ZNF423: variants seen among roughly 807,000 people sequenced by gnomAD.
The protein encoded by ZNF423 is zinc finger protein 423.
A neutral mutation model predicts 95.8 loss-of-function variants in ZNF423; 12 were observed. That is an observed-to-expected ratio of 0.13 (90% CI 0.08 to 0.20). The LOEUF (loss-of-function observed/expected upper bound fraction) is 0.20, where lower values mean the gene tolerates loss of function less well. ZNF423 is among the 10% of genes least tolerant of loss of function. The pLI is 1.00. For missense variants in ZNF423, 1,316 were observed against 1,737.1 expected, an observed-to-expected ratio of 0.76 and a Z score of 4.31; for synonymous variants, 749 against 711.9, an observed-to-expected ratio of 1.05 and a Z score of -0.83.
intron 5 of ZNF423, among the ~76,000 whole-genome samples, chr16:49,531,787 G>A (rs1331923249): frequency 3.3e-5 from 5 of 152,158 alleles, no homozygotes; most frequent in Non-Finnish European, 7.4e-5. Context: ...GGTGAGTGGT[G>A]ATGGAGGATG....
At chr16:49,543,283 C>T (rs924405667) in intron 5 of ZNF423, among the ~76,000 whole-genome samples, 11 of 152,168 alleles carry the variant, frequency 7.2e-5, no homozygotes, top group African/African-American at 2.4e-4. Flanking sequence ...GGAGCCTGGC[C>T]TGGGTAAGCC....
intron 7 of ZNF423, among the ~76,000 whole-genome samples, chr16:49,514,219 C>T (rs1391724499): frequency 6.7e-5 from 10 of 149,332 alleles, no homozygotes; most frequent in Admixed American, 3.3e-4. Flanking sequence ...CACATGCACA[C>T]GCACATGCGT....
intron 7 of ZNF423, among the ~76,000 whole-genome samples, chr16:49,506,204 A>T (rs928372136): frequency 6.6e-6 from 1 of 152,192 alleles, no homozygotes; most frequent in Non-Finnish European, 1.5e-5. Context: ...TCAATACTGG[A>T]GGGTGATGAT....
At position 49,491,059 on chromosome 16, in the gene ZNF423, G is replaced by C; in HGVS notation, c.*216C>G. ...AAAGTCTAAAAGCACACTAGCTGTA[G>C]CAGGACAATAAAAAATACTGAGCAT... On this transcript the variant is annotated 3_prime_UTR_variant, in exon 8 of 8. Coordinates refer to ENST00000563137, the MANE Select transcript of ZNF423 (RefSeq NM_001379286.1). 5.0e-6 allele frequency: 3 copies of C among 596,094 alleles called. No homozygotes were observed. The South Asian group carries it at 6.3e-5, about 13-fold the overall frequency. 36.9% of individuals were successfully genotyped at this position (596,094 alleles called of 1,614,324 possible).
At chr16:49,545,877 G>A (rs567812350) in intron 5 of ZNF423, among the ~76,000 whole-genome samples, 2 of 152,164 alleles carry the variant, frequency 1.3e-5, no homozygotes, top group Admixed American at 6.5e-5. Flanking sequence ...AAATCTCTAC[G>A]AGGAGGTCAT....
At chr16:49,506,299 G>A (rs1261866649) in intron 7 of ZNF423, among the ~76,000 whole-genome samples, 4 of 152,090 alleles carry the variant, frequency 2.6e-5, no homozygotes, top group African/African-American at 9.7e-5. Context: ...GTGGGTAGAT[G>A]GGTATGGGGG....
Position 49,775,009 on chromosome 16 carries a change from C to G in ZNF423, c.100+14478G>C, listed in dbSNP as rs548150850. On this transcript the variant is annotated intron_variant, in intron 2 of 7. Coordinates refer to ENST00000563137, the MANE Select transcript of ZNF423 (RefSeq NM_001379286.1). ...TTAACCAGGCACTTAGGAAAGTTAC[C>G]CCAGCAGCTGCCCCACCAGCCCCCA... Among the ~76,000 whole-genome samples the G allele has an allele frequency of 6.4e-4, 98 of 152,210 alleles. 2 individuals carry two copies. Among genetic ancestry groups the G allele is most frequent in the Non-Finnish European group, 1.2e-3 (79 of 68,012 alleles).
chr16:49,738,333 C>T (rs138560822), intron 2 of ZNF423, among the ~76,000 whole-genome samples: 2 of 152,286 alleles, frequency 1.3e-5, no homozygotes, highest in East Asian at 1.9e-4. Flanking sequence ...AGTAAGGGGC[C>T]GGCATCCAGG....
At chr16:49,749,612 G>A (rs1040996106) in intron 2 of ZNF423, among the ~76,000 whole-genome samples, 13 of 152,236 alleles carry the variant, frequency 8.5e-5, no homozygotes, top group African/African-American at 2.9e-4. Context: ...CGCCGTGTGC[G>A]AATGGGATCC....
At chr16:49,718,724 C>T (rs1314583744) in intron 3 of ZNF423, among the ~76,000 whole-genome samples, 3 of 152,180 alleles carry the variant, frequency 2.0e-5, no homozygotes, top group Admixed American at 1.3e-4. Context: ...ATAGACAACA[C>T]AGTCTTGCTG....
intron 2 of ZNF423, among the ~76,000 whole-genome samples, chr16:49,758,445 A>G (rs557240192): frequency 6.6e-6 from 1 of 152,302 alleles, no homozygotes; most frequent in Non-Finnish European, 1.5e-5. Flanking sequence ...GACCAAAAGA[A>G]TTTTTAAAAT....
chr16:49,649,375 T>C (rs774487840), intron 3 of ZNF423, among the ~76,000 whole-genome samples: 25 of 152,110 alleles, frequency 1.6e-4, no homozygotes, highest in Non-Finnish European at 3.5e-4. Flanking sequence ...TTACAGTCTG[T>C]TATCACTTAA....
rs1966879632 is a variant in ZNF423 at position 49,488,833 on chromosome 16, T to TC, written c.*2441dup. 6.6e-6 allele frequency: 1 copy of TC among 152,182 alleles called. No homozygotes were observed. Among genetic ancestry groups the TC allele is most frequent in the Non-Finnish European group, 1.5e-5 (1 of 68,196 alleles). The allele number at this position is 152,182 out of a possible 1,614,324, so 9.4% of individuals were successfully genotyped here. On this transcript the variant is annotated 3_prime_UTR_variant, in exon 8 of 8. Coordinates refer to ENST00000563137, the MANE Select transcript of ZNF423 (RefSeq NM_001379286.1). ...GCCAGTCCCAGGAAGGGCCTCAGGG[T>TC]CCCCACTGCCAGCCCCCTCCCCACA...
chr16:49,721,487 G>A (rs2032863555), intron 3 of ZNF423, among the ~76,000 whole-genome samples: 1 of 152,000 alleles, frequency 6.6e-6, no homozygotes, highest in South Asian at 2.1e-4. Context: ...AGGCCAGTTT[G>A]GTGTACATCC....
At chr16:49,689,627 AC>A (rs1363507546) in intron 3 of ZNF423, among the ~76,000 whole-genome samples, 1 of 151,924 alleles carries the variant, frequency 6.6e-6, no homozygotes, top group Non-Finnish European at 1.5e-5. Flanking sequence ...ACTCCACAAC[AC>A]CCAGCCAGAG....
At chr16:49,727,809 A>G (rs2033064036) in intron 3 of ZNF423, among the ~76,000 whole-genome samples, 1 of 152,206 alleles carries the variant, frequency 6.6e-6, no homozygotes, top group Non-Finnish European at 1.5e-5. Context: ...GCAGGGCACC[A>G]TGGTCTGCCC....
intron 3 of ZNF423, among the ~76,000 whole-genome samples, chr16:49,650,457 G>C (rs60163395): frequency 0.01 from 1,545 of 152,314 alleles, 29 homozygotes; most frequent in African/African-American, 0.035. Context: ...TAATGTAACT[G>C]ACACTATTAT....
At chr16:49,706,554 G>A (rs1247798085) in intron 3 of ZNF423, among the ~76,000 whole-genome samples, 1 of 152,268 alleles carries the variant, frequency 6.6e-6, no homozygotes, top group African/African-American at 2.4e-5. Flanking sequence ...CCTGGAGGCA[G>A]ACTTCCAGCC....
intron 3 of ZNF423, among the ~76,000 whole-genome samples, chr16:49,727,299 G>T (rs755473563): frequency 6.6e-6 from 1 of 152,134 alleles, no homozygotes; most frequent in Non-Finnish European, 1.5e-5. Flanking sequence ...AACTGGAAAT[G>T]AAGGCTCCTT....
Sources: allele counts gnomAD v4.1 joint callset (sites outside exome capture counted in the v4.1 genomes callset), GRCh38; gene constraint gnomAD v4.1.1; transcripts MANE v1.5; gene names NCBI Gene and HGNC (gene_info 2026-07-23, HGNC 2026-07-21).